Variants in ZCCHC24 observed in about 807,000 individuals in gnomAD.
ZCCHC24 encodes the protein zinc finger CCHC domain-containing protein 24.
A neutral mutation model predicts 26.2 loss-of-function variants in ZCCHC24; 10 were observed. The ratio of observed to expected loss-of-function variants is 0.38; its 90% CI spans 0.24 to 0.65. The LOEUF is 0.65. ZCCHC24 is among the 30% of genes least tolerant of loss of function. The pLI is 0.54. For missense variants in ZCCHC24, 243 were observed against 329.1 expected (o/e 0.74, Z 2.03); for synonymous variants, 144 against 147.1 (o/e 0.98, Z 0.15).
chr10:79,422,738 C>T (rs1856964175), intron 2 of ZCCHC24, among the ~76,000 whole-genome samples: 1 of 152,228 alleles, frequency 6.6e-6, no homozygotes, highest in South Asian at 2.1e-4. Flanking sequence ...CCCCTGGGCT[C>T]AGGCCCTCCC....
At chr10:79,420,243 C>G (rs1393446367) in intron 2 of ZCCHC24, among the ~76,000 whole-genome samples, 1 of 152,188 alleles carries the variant, frequency 6.6e-6, no homozygotes, top group Non-Finnish European at 1.5e-5. Context: ...CCCCCCAGCA[C>G]AACCTGGGGG....
At chr10:79,421,190 G>A (rs554152784) in intron 2 of ZCCHC24, among the ~76,000 whole-genome samples, 19 of 152,244 alleles carry the variant, frequency 1.2e-4, no homozygotes, top group South Asian at 4.1e-4. Flanking sequence ...CGGCAGGCAC[G>A]ACACCCCCAG....
chr10:79,419,067 A>G (rs1474402670), intron 2 of ZCCHC24, among the ~76,000 whole-genome samples: 1 of 152,224 alleles, frequency 6.6e-6, no homozygotes, highest in Non-Finnish European at 1.5e-5. Context: ...GCGTGCATGC[A>G]TGAAATTAAG....
intron 2 of ZCCHC24, among the ~76,000 whole-genome samples, chr10:79,428,503 T>C (rs1346168480): frequency 8.5e-6 from 1 of 117,952 alleles, no homozygotes; most frequent in African/African-American, 3.2e-5. Context: ...AAGAGCTCTG[T>C]GGCTGGAAGG....
At chr10:79,411,494 G>GCAGCGGGTT in intron 2 of ZCCHC24, among the ~76,000 whole-genome samples, 1 of 152,332 alleles carries the variant, frequency 6.6e-6, no homozygotes, top group South Asian at 2.1e-4. Flanking sequence ...GGGGTGTTGA[G>GCAGCGGGTT]TCTGCAGCGG....
At chr10:79,438,810 C>CT (rs1857253316) in intron 1 of ZCCHC24, among the ~76,000 whole-genome samples, 1 of 152,192 alleles carries the variant, frequency 6.6e-6, no homozygotes, top group South Asian at 2.1e-4. Flanking sequence ...GGGGAGATCC[C>CT]TTTCCTCCTT....
chr10:79,407,654 T>C (rs1441173641), intron 2 of ZCCHC24, among the ~76,000 whole-genome samples: 1 of 152,134 alleles, frequency 6.6e-6, no homozygotes, highest in East Asian at 1.9e-4. Flanking sequence ...TCAGATACTG[T>C]CACCTCCATG....
intron 3 of ZCCHC24, among the ~76,000 whole-genome samples, chr10:79,387,783 C>A (rs1856420099): frequency 1.3e-5 from 2 of 152,348 alleles, no homozygotes; most frequent in East Asian, 3.9e-4. Flanking sequence ...AGAGGACACT[C>A]AGAGCGGTCT....
At chr10:79,398,920 G>A (rs1856590666) in intron 2 of ZCCHC24, among the ~76,000 whole-genome samples, 1 of 152,214 alleles carries the variant, frequency 6.6e-6, no homozygotes, top group South Asian at 2.1e-4. Flanking sequence ...TCCAGTGCGT[G>A]AAGGGCAGCA....
intron 2 of ZCCHC24, among the ~76,000 whole-genome samples, chr10:79,427,957 C>G (rs769201914): frequency 6.6e-6 from 1 of 152,106 alleles, no homozygotes; most frequent in Non-Finnish European, 1.5e-5. Context: ...TCTTAACCTT[C>G]CACCTGAAGA....
intron 2 of ZCCHC24, among the ~76,000 whole-genome samples, chr10:79,404,551 AC>A (rs1182862229): frequency 2.2e-4 from 33 of 152,256 alleles, no homozygotes; most frequent in Non-Finnish European, 1.0e-4. Context: ...ATCTGCAGCC[AC>A]CCTGCTGTTT....
chr10:79,418,559 G>A (rs1254431008), intron 2 of ZCCHC24, among the ~76,000 whole-genome samples: 1 of 152,240 alleles, frequency 6.6e-6, no homozygotes, highest in Non-Finnish European at 1.5e-5. Context: ...CACCATGCAA[G>A]AGGACGTGTT....
At chr10:79,400,107 GT>G (rs1486107364) in intron 2 of ZCCHC24, among the ~76,000 whole-genome samples, 1 of 152,208 alleles carries the variant, frequency 6.6e-6, no homozygotes, top group African/African-American at 2.4e-5. Context: ...TGCTGCTGGG[GT>G]GGGGGCTGAA....
intron 2 of ZCCHC24, among the ~76,000 whole-genome samples, chr10:79,400,441 T>C (rs1856613960): frequency 6.6e-6 from 1 of 152,168 alleles, no homozygotes; most frequent in Non-Finnish European, 1.5e-5. Flanking sequence ...AAAATACTTA[T>C]AAAGAGAGCA....
intron 1 of ZCCHC24, among the ~76,000 whole-genome samples, chr10:79,437,254 TG>T (rs1411376815): frequency 6.6e-6 from 1 of 152,118 alleles, no homozygotes; most frequent in Non-Finnish European, 1.5e-5. Context: ...GGTTTCACCA[TG>T]TTGCCCAGGC....
At chr10:79,394,055 A>C (rs1241617375) in intron 3 of ZCCHC24, among the ~76,000 whole-genome samples, 1 of 152,146 alleles carries the variant, frequency 6.6e-6, no homozygotes, top group Non-Finnish European at 1.5e-5. Flanking sequence ...CACCCTGTTC[A>C]CTAGTTTTAC....
intron 1 of ZCCHC24, among the ~76,000 whole-genome samples, chr10:79,443,380 A>T (rs1857314797): frequency 1.3e-5 from 2 of 152,172 alleles, no homozygotes; most frequent in African/African-American, 4.8e-5. Context: ...CAGGTGGGGA[A>T]CAATGCCACC....
chr10:79,419,894 C>T (rs1324627301), intron 2 of ZCCHC24, among the ~76,000 whole-genome samples: 1 of 152,082 alleles, frequency 6.6e-6, no homozygotes, highest in African/African-American at 2.4e-5. Context: ...ATTGACCCAT[C>T]GAGATTCCTG....
In ZCCHC24 at chr10:79,387,477, C is replaced by T. The variant is rs115251470; in HGVS notation, c.613-1019G>A. The stretch of plus-strand genomic sequence containing the variant: ...CCTGGAGAATTTATGGAGGCTATGA[C>T]GAAGAGCTCCTGAGTGGATGCTTTC... On this transcript the variant is annotated intron_variant, in intron 3 of 3. Transcript: ENST00000372336. Among the ~76,000 whole-genome samples the T allele has an allele frequency of 6.6e-3, 1,013 of 152,338 alleles. 5 individuals are homozygous for T. The highest frequency in any genetic ancestry group is 0.023 in the African/African-American group (957 of 41,574).
Sources: allele counts gnomAD v4.1 joint callset (sites outside exome capture counted in the v4.1 genomes callset), GRCh38; gene constraint gnomAD v4.1.1; transcripts MANE v1.5; gene names NCBI Gene and HGNC (gene_info 2026-07-23, HGNC 2026-07-21).